NTM: variants seen among roughly 807,000 people sequenced by gnomAD.
NTM encodes IgLON family member 2.
A neutral mutation model predicts 42.1 loss-of-function variants in NTM; 13 were observed. The observed-to-expected ratio is 0.31, with a 90% CI of 0.20 to 0.49. NTM has a LOEUF of 0.49. Ranked by LOEUF, NTM falls within the 20% of genes least tolerant of loss-of-function variation. The pLI, the probability that NTM is intolerant of heterozygous loss-of-function variation, is 0.99. For missense variants in NTM, 373 were observed against 452.8 expected (o/e 0.82, Z 1.60); for synonymous variants, 187 against 179.2 (o/e 1.04, Z -0.35).
At chr11:131,431,915 A>C in intron 1 of NTM, among the ~76,000 whole-genome samples, 1 of 151,916 alleles carries the variant, frequency 6.6e-6, no homozygotes, top group Admixed American at 6.6e-5. Context: ...ACACCCAACC[A>C]CCACGCAAAC....
intron 3 of NTM, among the ~76,000 whole-genome samples, chr11:132,163,512 T>C: frequency 6.6e-6 from 1 of 152,386 alleles, no homozygotes; most frequent in East Asian, 1.9e-4. Context: ...CAAACAGCCC[T>C]GTGCGATAGA....
At chr11:131,665,945 T>G (rs541833304) in intron 1 of NTM, among the ~76,000 whole-genome samples, 1 of 152,362 alleles carries the variant, frequency 6.6e-6, no homozygotes, top group African/African-American at 2.4e-5. Flanking sequence ...TAATAAATAT[T>G]TTAAGACACG....
At chr11:132,166,156 C>G (rs1445766297) in intron 3 of NTM, among the ~76,000 whole-genome samples, 4 of 152,142 alleles carry the variant, frequency 2.6e-5, no homozygotes, top group African/African-American at 9.7e-5. Context: ...AGTGAACAGA[C>G]AGCAGCTCAG....
At chr11:131,534,293 A>T (rs548407845) in intron 1 of NTM, 7 of 152,346 alleles carry the variant, frequency 4.6e-5, no homozygotes, top group African/African-American at 1.7e-4. Flanking sequence ...AGTTTGAAAC[A>T]TGGGTGAAGT....
chr11:132,282,910 T>C (rs1316984233), intron 4 of NTM, among the ~76,000 whole-genome samples: 1 of 151,268 alleles, frequency 6.6e-6, no homozygotes, highest in Non-Finnish European at 1.5e-5. Context: ...GTTAAACAAC[T>C]TTATCAACAT....
At chr11:131,951,874 T>C (rs2061036169) in intron 2 of NTM, among the ~76,000 whole-genome samples, 2 of 145,858 alleles carry the variant, frequency 1.4e-5, no homozygotes, top group Admixed American at 6.8e-5. Flanking sequence ...TCCCACCTCA[T>C]AGGCCACAGA....
chr11:131,956,687 A>G lies in NTM; in HGVS notation c.167+45039A>G, dbSNP rs532077611. On this transcript the variant is annotated intron_variant, in intron 2 of 8. Coordinates refer to ENST00000683400, the MANE Select transcript of NTM (RefSeq NM_001352005.2). ...TTTCTTCCAGCTCCGGTGTTTGCCC[A>G]CAATTCCACTCACTTAAAATTTGCC... Among the ~76,000 whole-genome samples, 52 of 150,970 alleles carry G rather than the reference A, an allele frequency of 3.4e-4. 1 individual carries two copies. In the South Asian group the frequency reaches 6.0e-3, roughly 17 times the overall value.
chr11:131,623,331 A>G (rs533717768), intron 1 of NTM, among the ~76,000 whole-genome samples: 9 of 152,368 alleles, frequency 5.9e-5, no homozygotes, highest in East Asian at 1.9e-4. Flanking sequence ...GTGGAAATAT[A>G]TGTGAGAAAG....
In NTM at chr11:132,307,800, G is replaced by A. The variant is rs541916621; in HGVS notation, c.638G>A (p.Arg213Gln). ...ASNDVAAPVV[R>Q]RVKVTVNYPP... ...AATGACGTGGCCGCGCCCGTGGTAC[G>A]GAGAGTAAAGGTCACCGTGAACTGT... is the stretch of plus-strand genomic sequence containing the variant. The change falls in exon 5 of 9, where the codon CGG (arginine) becomes CAG (glutamine). Residue 213 changes from arginine (R) to glutamine (Q), a missense_variant. By Grantham distance (43) the Arg-to-Gln change is conservative. This residue lies in a region of NTM where 312 missense variants were observed against 353.5 expected (regional missense o/e 0.88). Transcript: ENST00000683400. 2.5e-5 allele frequency: 41 copies of A among 1,614,152 alleles called. No homozygotes were observed. The highest frequency in any genetic ancestry group is 2.0e-4 in the South Asian group (18 of 91,076).
At chr11:132,304,459 G>A (rs1477326464) in intron 4 of NTM, among the ~76,000 whole-genome samples, 1 of 151,290 alleles carries the variant, frequency 6.6e-6, no homozygotes, top group Non-Finnish European at 1.5e-5. Flanking sequence ...TCACACTAGT[G>A]ATAAAGCACT....
intron 2 of NTM, among the ~76,000 whole-genome samples, chr11:131,940,659 G>A (rs1054693597): frequency 1.3e-5 from 2 of 152,176 alleles, no homozygotes; most frequent in African/African-American, 2.4e-5. Context: ...GCAATACTAA[G>A]TGACTTTTGG....
chr11:132,182,983 G>A lies in NTM; in HGVS notation c.401-29039G>A, dbSNP rs367714562. Reference sequence around the variant, plus strand: ...ATTTTCTGTAAGGCCCAAACACATGGTGCCTTTCTTTGCATTTTCCTCCCT... The same window carrying A: ...ATTTTCTGTAAGGCCCAAACACATGATGCCTTTCTTTGCATTTTCCTCCCT... On this transcript the variant is annotated intron_variant, in intron 3 of 8. Transcript: ENST00000683400. Among the ~76,000 whole-genome samples, 24 of 152,200 alleles carry A rather than the reference G, an allele frequency of 1.6e-4. 1 individual carries two copies. Among genetic ancestry groups the A allele is most frequent in the African/African-American group, 5.5e-4 (23 of 41,524 alleles).
chr11:131,484,148 C>G (rs909080182), intron 1 of NTM, among the ~76,000 whole-genome samples: 3 of 152,112 alleles, frequency 2.0e-5, no homozygotes, highest in South Asian at 2.1e-4. Context: ...CAAAAGAAAG[C>G]AGTGATTACA....
At chr11:131,651,911 C>T (rs1455742117) in intron 1 of NTM, among the ~76,000 whole-genome samples, 1 of 146,034 alleles carries the variant, frequency 6.8e-6, no homozygotes, top group South Asian at 2.2e-4. Context: ...CCGGGGGAAG[C>T]TTAGGTCAGC....
intron 1 of NTM, among the ~76,000 whole-genome samples, chr11:131,510,811 G>A (rs1462389965): frequency 1.3e-5 from 2 of 152,120 alleles, no homozygotes; most frequent in Non-Finnish European, 2.9e-5. Context: ...GTCTGTGGGG[G>A]TGCTGGTGCA....
At chr11:131,547,715 A>C (rs1188079012) in intron 1 of NTM, among the ~76,000 whole-genome samples, 1 of 152,204 alleles carries the variant, frequency 6.6e-6, no homozygotes, top group Admixed American at 6.5e-5. Flanking sequence ...CACTTACGTC[A>C]AGAGTGACTA....
At chr11:131,467,380 C>G (rs1250349985) in intron 1 of NTM, among the ~76,000 whole-genome samples, 1 of 152,200 alleles carries the variant, frequency 6.6e-6, no homozygotes, top group African/African-American at 2.4e-5. Flanking sequence ...GAGCCCACCT[C>G]CCACCAGGAG....
intron 2 of NTM, among the ~76,000 whole-genome samples, chr11:132,007,567 T>C (rs1235226467): frequency 6.6e-6 from 1 of 152,216 alleles, no homozygotes; most frequent in Non-Finnish European, 1.5e-5. Flanking sequence ...TTTGCTTTAT[T>C]TATGCAAAGA....
intron 1 of NTM, among the ~76,000 whole-genome samples, chr11:131,844,560 GA>G (rs1489350886): frequency 2.6e-5 from 4 of 152,096 alleles, no homozygotes; most frequent in African/African-American, 4.8e-5. Flanking sequence ...ATTTTTGTAT[GA>G]ATTGACATAT....
Sources: gnomAD v4.1 joint callset for allele counts (sites outside exome capture counted in the v4.1 genomes callset) on GRCh38, gnomAD v4.1.1 for gene constraint, gnomAD v4.1.1 regional missense constraint, MANE v1.5 for transcripts, NCBI Gene and HGNC (gene_info 2026-07-23, HGNC 2026-07-21) for gene names.